The following HNRNPA1L2 variants were observed in gnomAD, a reference collection of about 807,000 sequenced individuals.
HNRNPA1L2 encodes heterogeneous nuclear ribonucleoprotein A1 like 2, also known as heterogeneous nuclear ribonucleoprotein A1-like 2.
HNRNPA1L2 carries 10 observed loss-of-function variants against 18.2 expected under a neutral mutation model. That is an observed-to-expected ratio of 0.55 (90% CI 0.34 to 0.93). The LOEUF (loss-of-function observed/expected upper bound fraction) is 0.93. Ranked by LOEUF, HNRNPA1L2 falls within the 40% of genes least tolerant of loss-of-function variation. The pLI, the probability that HNRNPA1L2 is intolerant of heterozygous loss-of-function variation, is 0.02. For missense variants in HNRNPA1L2, 308 were observed against 394.4 expected, an observed-to-expected ratio of 0.78 and a Z score of 1.85; for synonymous variants, 124 against 138.6, an observed-to-expected ratio of 0.89 and a Z score of 0.74.
At chr13:52,633,529 G>C in the HNRNPA1L2 span, among the ~76,000 whole-genome samples, 6 of 152,152 alleles carry the variant, frequency 3.9e-5, no homozygotes, top group Non-Finnish European at 7.3e-5. Context: ...ATAGAAGTTA[G>C]TTTTTTGGAT....
the HNRNPA1L2 span, among the ~76,000 whole-genome samples, chr13:52,630,391 C>A: frequency 6.6e-6 from 1 of 152,222 alleles, no homozygotes; most frequent in Non-Finnish European, 1.5e-5. Context: ...ATTCTCCTGA[C>A]AGCCTCCCCA....
the HNRNPA1L2 span, among the ~76,000 whole-genome samples, chr13:52,623,154 A>G: frequency 2.0e-5 from 3 of 152,230 alleles, no homozygotes; most frequent in South Asian, 2.1e-4. Flanking sequence ...ACAGTTACAT[A>G]TAAGTATGTG....
chr13:52,623,089 G>A, the HNRNPA1L2 span, among the ~76,000 whole-genome samples: 1 of 152,008 alleles, frequency 6.6e-6, no homozygotes, highest in Non-Finnish European at 1.5e-5. Context: ...AGCTAATTCA[G>A]ACAATCAGTA....
chr13:52,625,266 C>T, the HNRNPA1L2 span, among the ~76,000 whole-genome samples: 1 of 152,004 alleles, frequency 6.6e-6, no homozygotes, highest in Admixed American at 6.6e-5. Context: ...AGGTGCACTC[C>T]ACAATGCCTG....
the HNRNPA1L2 span, chr13:52,617,526 G>A: frequency 7.3e-6 from 3 of 410,936 alleles, no homozygotes; most frequent in Non-Finnish European, 1.3e-5. Flanking sequence ...GCACTGTTCA[G>A]TTGCTCTCCT....
the HNRNPA1L2 span, among the ~76,000 whole-genome samples, chr13:52,628,911 T>C: frequency 6.6e-6 from 1 of 152,204 alleles, no homozygotes; most frequent in African/African-American, 2.4e-5. Context: ...GTTTCACTCT[T>C]GTCTCCTCGG....
upstream of HNRNPA1L2, chr13:52,637,542 A>G (rs1394885461): frequency 6.2e-6 from 1 of 162,028 alleles, no homozygotes; most frequent in Non-Finnish European, 1.4e-5. Flanking sequence ...TGAATTTCAA[A>G]ACACTGTGTA....
chr13:52,636,949 A>G, the HNRNPA1L2 span, among the ~76,000 whole-genome samples: 1 of 152,134 alleles, frequency 6.6e-6, no homozygotes, highest in African/African-American at 2.4e-5. Context: ...CTCCTGCCTC[A>G]GCCTCCCAAG....
At chr13:52,641,227 T>C (rs549030935), upstream of HNRNPA1L2, 2 of 152,384 alleles carry the variant, frequency 1.3e-5, no homozygotes, top group Non-Finnish European at 2.9e-5. Context: ...GTTGTCATTG[T>C]CCTTAACCTG....
chr13:52,639,642 T>A (rs376669908), upstream of HNRNPA1L2, among the ~76,000 whole-genome samples: 2 of 150,376 alleles, frequency 1.3e-5, no homozygotes, highest in Non-Finnish European at 3.0e-5. Flanking sequence ...GTGGCCTTCC[T>A]GTATTTTTCT....
chr13:52,640,240 C>T (rs1431793163), upstream of HNRNPA1L2, among the ~76,000 whole-genome samples: 1 of 152,190 alleles, frequency 6.6e-6, no homozygotes, highest in Non-Finnish European at 1.5e-5. Context: ...TTGCACCCAG[C>T]TGATGTTTTT....
the HNRNPA1L2 span, among the ~76,000 whole-genome samples, chr13:52,630,614 T>G: frequency 6.6e-6 from 1 of 152,192 alleles, no homozygotes; most frequent in East Asian, 1.9e-4. Context: ...TGGAGTGTTT[T>G]CAATACATTG....
At chr13:52,622,684 G>A in the HNRNPA1L2 span, among the ~76,000 whole-genome samples, 1 of 152,178 alleles carries the variant, frequency 6.6e-6, no homozygotes, top group Non-Finnish European at 1.5e-5. Context: ...CTGGAATAAA[G>A]TTTAGCACGT....
chr13:52,620,448 A>G, the HNRNPA1L2 span, among the ~76,000 whole-genome samples: 2 of 152,230 alleles, frequency 1.3e-5, no homozygotes, highest in Admixed American at 6.5e-5. Flanking sequence ...TGTAAGGATT[A>G]AGTAACATAG....
At chr13:52,620,838 A>G in the HNRNPA1L2 span, among the ~76,000 whole-genome samples, 1 of 152,028 alleles carries the variant, frequency 6.6e-6, no homozygotes, top group African/African-American at 2.4e-5. Flanking sequence ...AGATCACGCC[A>G]CTGCACTCCA....
At chr13:52,622,640 A>G in the HNRNPA1L2 span, among the ~76,000 whole-genome samples, 1 of 152,166 alleles carries the variant, frequency 6.6e-6, no homozygotes, top group Non-Finnish European at 1.5e-5. Flanking sequence ...TAAAGGACTC[A>G]CTTATTTGAA....
chr13:52,639,876 GT>G (rs371984561), upstream of HNRNPA1L2, among the ~76,000 whole-genome samples: 1,284 of 56,976 alleles, frequency 0.023, 17 homozygotes, highest in African/African-American at 0.075. Context: ...TGTTGTTCTT[GT>G]TTTTTTTTTT....
rs775445467 is a variant in HNRNPA1L2, at chr13:52,642,651, C to T, written c.159C>T (p.Arg53=). The T allele has an allele frequency of 1.2e-6, 2 of 1,611,546 alleles. No individual in the cohort carries two copies. The highest frequency in any genetic ancestry group is 8.5e-7 in the Non-Finnish European group (1 of 1,179,840). Residue 53 remains arginine, a synonymous_variant, in exon 1 of 1, where the codon CGC becomes CGT. Coordinates refer to ENST00000357495, the MANE Select transcript of HNRNPA1L2 (RefSeq NM_001389320.1). The stretch of plus-strand genomic sequence containing the variant: ...TAATGAGAGATCCAAACACCAAGCG[C>T]TCCAGGGGCTTTGGGTTTGTCACAT... ...CVVMRDPNTK[R]SRGFGFVTYA... is the part of the protein sequence containing the mutation.
the HNRNPA1L2 span, among the ~76,000 whole-genome samples, chr13:52,617,903 G>A: frequency 6.6e-6 from 1 of 152,174 alleles, no homozygotes; most frequent in African/African-American, 2.4e-5. Flanking sequence ...ATTACAAGCC[G>A]GGTCGCTGTG....
Sources: allele counts gnomAD v4.1 joint callset (sites outside exome capture counted in the v4.1 genomes callset), GRCh38; gene constraint gnomAD v4.1.1; transcripts MANE v1.5; gene names NCBI Gene and HGNC (gene_info 2026-07-23, HGNC 2026-07-21).